The following UBAP2L variants were observed in gnomAD, a reference collection of about 807,000 sequenced individuals.
UBAP2L encodes ubiquitin-associated protein 2-like.
Under a neutral mutation model 130.6 loss-of-function variants are expected in UBAP2L, and 12 were observed. The ratio of observed to expected loss-of-function variants is 0.09; its 90% CI spans 0.06 to 0.15. The LOEUF (loss-of-function observed/expected upper bound fraction) is 0.15, where lower values mean the gene tolerates loss of function less well. UBAP2L is among the 10% of genes least tolerant of loss of function. The probability of loss-of-function intolerance (pLI) is 1.00; values close to 1 mark genes in which losing one functional copy is unlikely to be tolerated. For synonymous variants in UBAP2L, 503 were observed against 524.7 expected (o/e 0.96, Z 0.57); for missense variants, 965 against 1,332.5 (o/e 0.72, Z 4.29).
Position 154,251,336 on chromosome 1 carries a change from T to C in UBAP2L, c.1491+18T>C. On this transcript the variant is annotated intron_variant, in intron 13 of 26. Coordinates refer to ENST00000428931, the MANE Select transcript of UBAP2L (RefSeq NM_014847.4). ...CTTCTAAGGTACTTAAACTTTTAGG[T>C]AGATACCATTTTATGGCAAGGGGTG... 2 of 1,599,822 alleles carry C rather than the reference T, an allele frequency of 1.3e-6. No individual in the cohort carries two copies. Among genetic ancestry groups the C allele is most frequent in the Non-Finnish European group, 8.5e-7 (1 of 1,173,790 alleles).
intron 1 of UBAP2L, among the ~76,000 whole-genome samples, chr1:154,223,082 T>A (rs1428250354): frequency 6.6e-6 from 1 of 151,880 alleles, no homozygotes; most frequent in Non-Finnish European, 1.5e-5. Flanking sequence ...CCAGATCACT[T>A]ACTTTTGACC....
intron 26 of UBAP2L, 106 bp downstream of exon 26, chr1:154,269,060 A>T (rs781528764): frequency 7.7e-7 from 1 of 1,294,476 alleles, no homozygotes; most frequent in Non-Finnish European, 1.1e-6. Flanking sequence ...CCTTCACCCA[A>T]TCCCTCCCCA....
intron 4 of UBAP2L, among the ~76,000 whole-genome samples, chr1:154,233,295 G>A (rs958556046): frequency 6.6e-6 from 1 of 151,754 alleles, no homozygotes; most frequent in African/African-American, 2.4e-5. Flanking sequence ...AATTACAGGC[G>A]TGAGTCACCG....
At position 154,255,722 on chromosome 1, in the gene UBAP2L, A is replaced by G. The variant is rs770139783; in HGVS notation, c.2124A>G (p.Thr708=). 3.3e-5 allele frequency: 53 copies of G among 1,613,928 alleles called. No individual in the cohort carries two copies. The highest frequency in any genetic ancestry group is 4.2e-5 in the Non-Finnish European group (49 of 1,180,020). ...AGCAGAATACCCTTTCATCATCAAC[A>G]TCTTCTGGGCGCACTTCGACATCCA... ...STQQNTLSSS[T]SSGRTSTSTL... is the part of the protein sequence containing the mutation. The change falls in exon 18 of 27, where the codon ACA becomes ACG. Residue 708 remains threonine, a synonymous_variant. Transcript: ENST00000428931.
In UBAP2L at chr1:154,266,482, CTGTT is replaced by C; in HGVS notation, c.2903-17_2903-14del. On this transcript the variant is annotated splice_polypyrimidine_tract_variant and intron_variant, in intron 24 of 26. Coordinates refer to ENST00000428931, the MANE Select transcript of UBAP2L (RefSeq NM_014847.4). ...TAGCTAGCTGAGCTAATCCTCCTGT[CTGTT>C]TCCTCCTCCCCCAGGTGTTTCAGTC... 6.2e-7 allele frequency: 1 copy of C among 1,613,962 alleles called. No individual in the cohort carries two copies. Among genetic ancestry groups the C allele is most frequent in the Non-Finnish European group, 8.5e-7 (1 of 1,179,810 alleles).
Position 154,257,117 on chromosome 1 carries a change from A to T in UBAP2L, c.2212A>T (p.Thr738Ser), listed in dbSNP as rs780254063. The T allele has an allele frequency of 3.7e-6, 6 of 1,613,874 alleles. No individual in the cohort carries two copies. The highest frequency in any genetic ancestry group is 1.7e-5 in the Admixed American group (1 of 59,986). The change falls in exon 19 of 27, where the codon ACC becomes TCC. Residue 738 changes from threonine (T) to serine (S), a missense_variant. Physicochemically the swap from Thr to Ser is moderately conservative, Grantham distance 58. This residue lies in a region of UBAP2L where 393 missense variants were observed against 408.1 expected (regional missense o/e 0.96). Coordinates refer to ENST00000428931, the MANE Select transcript of UBAP2L (RefSeq NM_014847.4). ...NLHSSSSTFS[T>S]TSSTVSAPPP... is the part of the protein sequence containing the mutation. ...CCATTCTTCCTCCAGCACTTTTTCC[A>T]CCACATCCAGCACAGTCTCTGCACC...
At chr1:154,267,647 G>A (rs1194656365) in intron 25 of UBAP2L, among the ~76,000 whole-genome samples, 1 of 151,246 alleles carries the variant, frequency 6.6e-6, no homozygotes, top group Non-Finnish European at 1.5e-5. Flanking sequence ...TTTTTTGTTT[G>A]TTTTGTATTT....
rs537062424 is a variant in UBAP2L, at chr1:154,258,654, A to C, written c.2443-323A>C. 8.5e-5 allele frequency: 15 copies of C among 176,172 alleles called. No individual in the cohort carries two copies. The South Asian group carries it at 2.6e-3, about 31-fold the overall frequency. 10.9% of individuals were successfully genotyped at this position (176,172 alleles called of 1,614,324 possible). A position where few individuals can be genotyped will look rare whatever the true frequency, so the allele number is the denominator to read the frequency against. On this transcript the variant is annotated intron_variant, in intron 20 of 26. Coordinates refer to ENST00000428931, the MANE Select transcript of UBAP2L (RefSeq NM_014847.4). Reference sequence around the variant, plus strand: ...ATTATTTTTAAGCCAGATTTTGAAGAGTATAAGAGACAGAGACTTGTAGAA... The same window carrying C: ...ATTATTTTTAAGCCAGATTTTGAAGCGTATAAGAGACAGAGACTTGTAGAA...
rs367732286 is a variant in UBAP2L at position 154,257,134 on chromosome 1, C to T, written c.2229C>T (p.Val743=). The change falls in exon 19 of 27, where the codon GTC becomes GTT. Residue 743 remains valine (V), a synonymous_variant. Coordinates refer to ENST00000428931, the MANE Select transcript of UBAP2L (RefSeq NM_014847.4). ...SSTFSTTSST[V]SAPPPVVSVS... ...CTTTTTCCACCACATCCAGCACAGT[C>T]TCTGCACCTCCCCCAGTGGTCAGTG... The T allele has an allele frequency of 1.1e-5, 18 of 1,614,106 alleles. No individual in the cohort carries two copies. Among genetic ancestry groups the T allele is most frequent in the Non-Finnish European group, 1.4e-5 (17 of 1,180,054 alleles).
At chr1:154,253,805 CAA>C in intron 14 of UBAP2L, 93 bp from the exon 15 acceptor site, 1 of 1,266,376 alleles carries the variant, frequency 7.9e-7, no homozygotes, top group Non-Finnish European at 1.1e-6. Context: ...TGATTCAAAT[CAA>C]GTTATTCCAC....
chr1:154,246,664 T>C (rs536813631), intron 11 of UBAP2L, among the ~76,000 whole-genome samples: 2 of 152,250 alleles, frequency 1.3e-5, no homozygotes, highest in Non-Finnish European at 2.9e-5. Context: ...AGAAAATCAA[T>C]GACATAAACT....
chr1:154,270,475 A>T lies in UBAP2L; in HGVS notation c.*180A>T. On this transcript the variant is annotated 3_prime_UTR_variant, in exon 27 of 27. Coordinates refer to ENST00000428931, the MANE Select transcript of UBAP2L (RefSeq NM_014847.4). ...TCCTATACCATCCCCACCCTGTTGT[A>T]TGTATTATAGGATTTGTATTTTCTC... The T allele has an allele frequency of 1.3e-6, 2 of 1,488,832 alleles. No homozygotes were observed. The highest frequency in any genetic ancestry group is 1.7e-4 in the Middle Eastern group (1 of 5,804). The allele number at this position is 1,488,832 out of a possible 1,614,324, so 92.2% of individuals were successfully genotyped here.
intron 22 of UBAP2L, among the ~76,000 whole-genome samples, chr1:154,260,270 G>A (rs571598429): frequency 6.6e-6 from 1 of 152,290 alleles, no homozygotes; most frequent in Admixed American, 6.5e-5. Flanking sequence ...CTACTTGGGA[G>A]GCCAAGGTGG....
Position 154,260,579 on chromosome 1 carries a change from GAGAAGAGGGGAGGGA to G in UBAP2L, c.2579-303_2579-289del, listed in dbSNP as rs1421053709. Among the ~76,000 whole-genome samples, 7 of 152,202 alleles carry G rather than the reference GAGAAGAGGGGAGGGA, an allele frequency of 4.6e-5. No individual in the cohort carries two copies. In the East Asian group the frequency reaches 1.2e-3, roughly 25 times the overall value. ...CCAGCATGGGGTATTCCCCATGGAGGAGAAGAGGGGAGGGAAGAAGAGGGAAGATGAAAGAGAACA... is the reference window on the plus strand; with the variant it reads ...CCAGCATGGGGTATTCCCCATGGAGGAGAAGAGGGAAGATGAAAGAGAACA... On this transcript the variant is annotated intron_variant, in intron 22 of 26. Coordinates refer to ENST00000428931, the MANE Select transcript of UBAP2L (RefSeq NM_014847.4).
rs746000069 is a variant in UBAP2L, at chr1:154,228,573, G to A, written c.169-42G>A. On this transcript the variant is annotated intron_variant, in intron 3 of 26. Coordinates refer to ENST00000428931, the MANE Select transcript of UBAP2L (RefSeq NM_014847.4). ...TAGTTTCCTTTCATTGGGAGTGTGA[G>A]CATAAGCCTGTTCATGATGGTTGCT... The A allele has an allele frequency of 3.4e-6, 5 of 1,451,868 alleles. No individual in the cohort carries two copies. In the South Asian group the frequency reaches 3.4e-5, roughly 10 times the overall value. The allele number at this position is 1,451,868 out of a possible 1,614,324, so 89.9% of individuals were successfully genotyped here.
At chr1:154,232,952 T>C (rs4845610) in intron 4 of UBAP2L, among the ~76,000 whole-genome samples, 99,136 of 151,850 alleles carry the variant, frequency 0.65, 33,405 homozygotes, top group East Asian at 0.96. Flanking sequence ...CCTGCCTTGA[T>C]CTCTCGACCT....
intron 8 of UBAP2L, among the ~76,000 whole-genome samples, chr1:154,240,934 G>GCCC: frequency 7.9e-6 from 1 of 126,852 alleles, no homozygotes; most frequent in African/African-American, 3.7e-5. Flanking sequence ...TTGTCTGTCT[G>GCCC]TCCCCCCCCC....
At chr1:154,263,597 C>A (rs766359061) in intron 24 of UBAP2L, 4 of 793,834 alleles carry the variant, frequency 5.0e-6, no homozygotes, top group Non-Finnish European at 6.1e-6. Context: ...TTAATCAAAC[C>A]CCAGCATAGC....
chr1:154,255,206 C>G lies in UBAP2L; in HGVS notation c.1964C>G (p.Pro655Arg). Residue 655 changes from proline (P) to arginine (R), a missense_variant, in exon 17 of 27, where the codon CCT becomes CGT. Pro to Arg is a moderately radical substitution (Grantham distance 103, BLOSUM62 -2). Transcript: ENST00000428931. The stretch of plus-strand genomic sequence containing the variant: ...TCACCTTCCACTTCTAGCATCCCCC[C>G]TCTCAATGAAACGGTATCTGCAGCT... ...SDSPSTSSIP[P>R]LNETVSAASL... 1 of 1,614,188 alleles carries G rather than the reference C, an allele frequency of 6.2e-7. No homozygotes were observed. The highest frequency in any genetic ancestry group is 8.5e-7 in the Non-Finnish European group (1 of 1,180,016).
Sources: gnomAD v4.1 joint callset for allele counts (sites outside exome capture counted in the v4.1 genomes callset) on GRCh38, gnomAD v4.1.1 for gene constraint, gnomAD v4.1.1 regional missense constraint, MANE v1.5 for transcripts, NCBI Gene and HGNC (gene_info 2026-07-23, HGNC 2026-07-21) for gene names.